The following CPXM2 variants were observed in gnomAD, a reference collection of about 807,000 sequenced individuals.
CPXM2 encodes the protein carboxypeptidase X, M14 family member 2, also known as inactive carboxypeptidase-like protein X2.
CPXM2 carries 66 observed loss-of-function variants against 86.1 expected under a neutral mutation model. That is an observed-to-expected ratio of 0.77 (90% CI 0.63 to 0.94). CPXM2 has a LOEUF of 0.94. CPXM2 is among the 40% of genes least tolerant of loss of function. The pLI is 0.00. For missense variants in CPXM2, 948 were observed against 1,026.3 expected (o/e 0.92, Z 1.04); for synonymous variants, 388 against 400.2 (o/e 0.97, Z 0.36).
intron 2 of CPXM2, among the ~76,000 whole-genome samples, chr10:123,915,998 T>A (rs1246086111): frequency 6.6e-6 from 1 of 152,126 alleles, no homozygotes; most frequent in African/African-American, 2.4e-5. Context: ...GGGAAAACAG[T>A]CACCAGCTTT....
intron 4 of CPXM2, among the ~76,000 whole-genome samples, chr10:123,834,665 T>C (rs1223819302): frequency 6.6e-6 from 1 of 152,152 alleles, no homozygotes; most frequent in Non-Finnish European, 1.5e-5. Flanking sequence ...CCATAGGCCC[T>C]TGTGGGTTGC....
chr10:123,816,304 G>A (rs1048983889), intron 4 of CPXM2, among the ~76,000 whole-genome samples: 2 of 152,174 alleles, frequency 1.3e-5, no homozygotes, highest in African/African-American at 4.8e-5. Flanking sequence ...TTAGAAGCTG[G>A]CAGAACCCCC....
chr10:123,860,649 AC>A (rs1163952178), intron 3 of CPXM2, among the ~76,000 whole-genome samples: 8 of 152,222 alleles, frequency 5.3e-5, no homozygotes, highest in Admixed American at 5.2e-4. Context: ...TAATTAATGC[AC>A]AAAACAGGCT....
chr10:123,880,004 T>A (rs561936148), intron 2 of CPXM2, among the ~76,000 whole-genome samples: 1 of 152,330 alleles, frequency 6.6e-6, no homozygotes, highest in South Asian at 2.1e-4. Flanking sequence ...CTGTGAGTAG[T>A]GAGGCAGTGC....
At chr10:123,905,879 C>T (rs141766898) in intron 2 of CPXM2, among the ~76,000 whole-genome samples, 348 of 152,268 alleles carry the variant, frequency 2.3e-3, no homozygotes, top group African/African-American at 8.1e-3. Context: ...TCAGGAGACA[C>T]GCTCAAGCCC....
chr10:123,804,588 A>G (rs1847537817), intron 4 of CPXM2, among the ~76,000 whole-genome samples: 1 of 152,148 alleles, frequency 6.6e-6, no homozygotes, highest in South Asian at 2.1e-4. Context: ...ATTAGGTCCA[A>G]TAGTTTGTGG....
chr10:123,768,921 G>A (rs1357123587), intron 8 of CPXM2, among the ~76,000 whole-genome samples, 199 bp from the exon 9 acceptor site: 2 of 152,166 alleles, frequency 1.3e-5, no homozygotes, highest in Non-Finnish European at 2.9e-5. Context: ...GTAAGAAAAT[G>A]TGTAGAAAAA....
chr10:123,845,890 G>A (rs1001091281), intron 3 of CPXM2, among the ~76,000 whole-genome samples: 2 of 152,212 alleles, frequency 1.3e-5, no homozygotes, highest in Non-Finnish European at 2.9e-5. Context: ...ATTCTCAATA[G>A]CAGCATCTGA....
chr10:123,844,868 A>G (rs1440135842), intron 3 of CPXM2, among the ~76,000 whole-genome samples: 1 of 152,040 alleles, frequency 6.6e-6, no homozygotes, highest in Non-Finnish European at 1.5e-5. Context: ...AGGTGAGGGT[A>G]AGGCAGGACT....
chr10:123,759,218 T>C (rs1846280156), intron 11 of CPXM2, among the ~76,000 whole-genome samples: 1 of 152,106 alleles, frequency 6.6e-6, no homozygotes, highest in Admixed American at 6.5e-5. Context: ...AGTATGGAAT[T>C]ACAGACAGTG....
intron 6 of CPXM2, among the ~76,000 whole-genome samples, chr10:123,788,281 A>C (rs1847117326): frequency 6.8e-4 from 1 of 1,478 alleles, no homozygotes; most frequent in Admixed American, 0.011. Flanking sequence ...CCCCATCTCA[A>C]AAAAAAAAAA....
intron 6 of CPXM2, among the ~76,000 whole-genome samples, chr10:123,790,828 A>G (rs1459437243): frequency 2.0e-5 from 3 of 152,168 alleles, no homozygotes; most frequent in Admixed American, 2.0e-4. Context: ...GAATGAGTAA[A>G]TGAATGAATG....
At chr10:123,939,466 C>T (rs1945754483) in intron 2 of CPXM2, 1 of 152,194 alleles carries the variant, frequency 6.6e-6, no homozygotes, top group Non-Finnish European at 1.5e-5. Context: ...CATCCTGTCT[C>T]TGTTACTGAC....
At chr10:123,881,229 T>TCCCCTCCCCG (rs1564811040) in intron 1 of CPXM2, among the ~76,000 whole-genome samples, 1 of 89,682 alleles carries the variant, frequency 1.1e-5, no homozygotes, top group Non-Finnish European at 2.3e-5. Context: ...TGGAGCACCC[T>TCCCCTCCCCG]TCTCTTCCCT....
At position 123,934,540 on chromosome 10, in the gene CPXM2, T is replaced by C. The variant is rs567724550; in HGVS notation, n.174+4937A>G. On this transcript the variant is annotated intron_variant and non_coding_transcript_variant, in intron 2 of 19. Transcript: ENST00000368854. ...GGTAAATTAATGCAGTTTGACCTCATCTTGATTCCACCAGAAAAGACCCTA... is the reference window on the plus strand; with the variant it reads ...GGTAAATTAATGCAGTTTGACCTCACCTTGATTCCACCAGAAAAGACCCTA... Among the ~76,000 whole-genome samples, 4 of 152,078 alleles carry C rather than the reference T, an allele frequency of 2.6e-5. No homozygotes were observed. In the East Asian group the frequency reaches 5.8e-4, roughly 22 times the overall value.
In CPXM2 at chr10:123,762,074, G is replaced by A. The variant is rs10794567; in HGVS notation, c.1575C>T (p.Tyr525=). The change falls in exon 11 of 14, where the codon TAC becomes TAT. Residue 525 remains tyrosine, a synonymous_variant. Coordinates refer to ENST00000241305, the MANE Select transcript of CPXM2 (RefSeq NM_198148.3). Reference sequence around the variant, plus strand: ...AGGGGGACCGCACCAGGTCGTAGGGGTACGCCACCACCAGCTCGCCGCCCT... The same window carrying A: ...AGGGGGACCGCACCAGGTCGTAGGGATACGCCACCACCAGCTCGCCGCCCT... The part of the protein sequence containing the change: ...NLQGGELVVA[Y]PYDLVRSPWK... 1,198,877 of 1,613,830 alleles carry A rather than the reference G, an allele frequency of 0.74. 447,641 individuals are homozygous for A. The highest frequency in any genetic ancestry group is 0.76 in the Admixed American group (45,811 of 60,016).
Position 123,746,790 on chromosome 10 carries a change from C to T in CPXM2, c.2245G>A (p.Gly749Arg). Residue 749 changes from glycine (G) to arginine (R), a missense_variant, in exon 14 of 14, where the codon GGG becomes AGG. Transcript: ENST00000241305. Reference sequence around the variant, plus strand: ...CACCCACGCTGTCGTCTCTTCTGCCCCCGCAGCTTCAGCCGCCTGGCTGGC... The same window carrying T: ...CACCCACGCTGTCGTCTCTTCTGCCTCCGCAGCTTCAGCCGCCTGGCTGGC... The part of the protein sequence containing the change: ...SLPARRLKLR[G>R]QKRRQRG The T allele has an allele frequency of 6.2e-7, 1 of 1,614,188 alleles. No individual in the cohort carries two copies. Among genetic ancestry groups the T allele is most frequent in the Non-Finnish European group, 8.5e-7 (1 of 1,180,024 alleles).
intron 4 of CPXM2, among the ~76,000 whole-genome samples, chr10:123,820,004 C>A (rs1238403785): frequency 6.6e-6 from 1 of 152,154 alleles, no homozygotes; most frequent in East Asian, 1.9e-4. Context: ...CATGAAAAGA[C>A]CAGACTGGCC....
chr10:123,906,256 C>A (rs1248823466), intron 2 of CPXM2, among the ~76,000 whole-genome samples: 1 of 152,162 alleles, frequency 6.6e-6, no homozygotes, highest in African/African-American at 2.4e-5. Flanking sequence ...GCCTCTGTGT[C>A]CTGATCTATA....
Sources: allele counts gnomAD v4.1 joint callset (sites outside exome capture counted in the v4.1 genomes callset), GRCh38; gene constraint gnomAD v4.1.1; transcripts MANE v1.5; gene names NCBI Gene and HGNC (gene_info 2026-07-23, HGNC 2026-07-21).